GPR89A: variants seen among roughly 807,000 people sequenced by gnomAD.
The protein encoded by GPR89A is golgi pH regulator A, also known as G protein-coupled receptor 89A.
Under a neutral mutation model 52.0 loss-of-function variants are expected in GPR89A, and 16 were observed. That is an observed-to-expected ratio of 0.31 (90% CI 0.21 to 0.47). The LOEUF (loss-of-function observed/expected upper bound fraction) is 0.47, where lower values mean the gene tolerates loss of function less well. Ranked by LOEUF, GPR89A falls within the 20% of genes least tolerant of loss-of-function variation. GPR89A has a pLI of 1.00. For synonymous variants in GPR89A, 55 were observed against 150.9 expected, an observed-to-expected ratio of 0.36 and a Z score of 4.66; for missense variants, 135 against 449.4, an observed-to-expected ratio of 0.30 and a Z score of 6.33.
chr1:145,646,308 A>G (rs782306323), intron 9 of GPR89A, 36 bp downstream of exon 9: 16 of 1,532,214 alleles, frequency 1.0e-5, no homozygotes, highest in Non-Finnish European at 1.4e-5. Flanking sequence ...GGTTTTTACC[A>G]ATATTATTAA....
At position 145,663,363 on chromosome 1, in the gene GPR89A, A is replaced by G. The variant is rs1652339207; in HGVS notation, c.944A>G (p.Lys315Arg). 6.2e-7 allele frequency: 1 copy of G among 1,610,730 alleles called. No individual in the cohort carries two copies. Among genetic ancestry groups the G allele is most frequent in the African/African-American group, 1.3e-5 (1 of 74,692 alleles). ...AATATTGTTTTTGATCGAGTTGGGA[A>G]AACGGATCCTGTCACAAGAGGCATT... ...TINIVFDRVG[K>R]TDPVTRGIEI... Residue 315 changes from lysine (K) to arginine (R), a missense_variant, in exon 11 of 14, where the codon AAA becomes AGA. Lys to Arg is a conservative substitution (Grantham distance 26, BLOSUM62 2). Coordinates refer to ENST00000313835, the MANE Select transcript of GPR89A (RefSeq NM_001097612.2).
intron 5 of GPR89A, among the ~76,000 whole-genome samples, chr1:145,629,235 G>A (rs587765244): frequency 6.6e-6 from 1 of 152,294 alleles, no homozygotes; most frequent in South Asian, 2.1e-4. Flanking sequence ...GTCAGCTTTG[G>A]ATGCTACTTT....
At chr1:145,662,133 G>A (rs1397206231) in intron 10 of GPR89A, among the ~76,000 whole-genome samples, 11 of 152,206 alleles carry the variant, frequency 7.2e-5, no homozygotes, top group Admixed American at 5.2e-4. Context: ...TGTCAATTAC[G>A]TCAAATTGAT....
At chr1:145,621,166 C>G (rs1194320012) in intron 3 of GPR89A, among the ~76,000 whole-genome samples, 2 of 150,948 alleles carry the variant, frequency 1.3e-5, no homozygotes, top group Non-Finnish European at 3.0e-5. Context: ...TAAGAAACAG[C>G]CCTCTGAAAC....
At chr1:145,617,200 C>T (rs1292022208) in intron 2 of GPR89A, among the ~76,000 whole-genome samples, 1 of 152,270 alleles carries the variant, frequency 6.6e-6, no homozygotes, top group Non-Finnish European at 1.5e-5. Context: ...TGCATTCCTT[C>T]CCCAGGGTTA....
At chr1:145,639,377 A>G (rs1454479831) in intron 7 of GPR89A, among the ~76,000 whole-genome samples, 1 of 152,160 alleles carries the variant, frequency 6.6e-6, no homozygotes, top group Non-Finnish European at 1.5e-5. Context: ...ATCTTTAAAC[A>G]TATTATATAG....
intron 10 of GPR89A, among the ~76,000 whole-genome samples, chr1:145,660,348 C>G (rs587689154): frequency 1.3e-5 from 2 of 152,122 alleles, no homozygotes; most frequent in South Asian, 4.2e-4. Flanking sequence ...CCATAAAAAC[C>G]CTAGAAGAAA....
At chr1:145,666,547 C>T (rs1245532608) in intron 12 of GPR89A, among the ~76,000 whole-genome samples, 1 of 151,570 alleles carries the variant, frequency 6.6e-6, no homozygotes, top group African/African-American at 2.4e-5. Context: ...CTACTGAATT[C>T]AACTATTTTT....
chr1:145,668,729 A>G (rs1299647501), intron 12 of GPR89A, among the ~76,000 whole-genome samples: 1 of 152,030 alleles, frequency 6.6e-6, no homozygotes, highest in Non-Finnish European at 1.5e-5. Context: ...AGCTCTTACG[A>G]TTTCGAGATA....
intron 7 of GPR89A, among the ~76,000 whole-genome samples, chr1:145,632,801 T>C (rs1309091783): frequency 6.6e-6 from 1 of 152,104 alleles, no homozygotes; most frequent in Non-Finnish European, 1.5e-5. Context: ...AATTCCATTT[T>C]CAGTTTTTTT....
chr1:145,611,161 TGTG>T (rs1648245148), intron 1 of GPR89A, among the ~76,000 whole-genome samples: 1 of 127,976 alleles, frequency 7.8e-6, no homozygotes, highest in Non-Finnish European at 1.6e-5. Context: ...TCCAGCTACT[TGTG>T]TGTGTGTGTG....
intron 12 of GPR89A, among the ~76,000 whole-genome samples, chr1:145,667,168 T>G (rs1281481786): frequency 6.6e-6 from 1 of 152,196 alleles, no homozygotes; most frequent in African/African-American, 2.4e-5. Context: ...CACACTGCCT[T>G]CCACAATGGT....
At chr1:145,646,409 G>A in intron 9 of GPR89A, 137 bp downstream of exon 9, 3 of 649,110 alleles carry the variant, frequency 4.6e-6, no homozygotes, top group South Asian at 2.1e-5. Flanking sequence ...AAGCATTAGG[G>A]ATAAGGGATC....
intron 5 of GPR89A, among the ~76,000 whole-genome samples, chr1:145,627,500 G>A (rs1402975552): frequency 3.3e-5 from 5 of 151,760 alleles, no homozygotes; most frequent in African/African-American, 7.3e-5. Flanking sequence ...AGAGGTATAC[G>A]GCAAGTAGAA....
At chr1:145,616,515 G>A (rs1444887850) in intron 2 of GPR89A, among the ~76,000 whole-genome samples, 1 of 152,040 alleles carries the variant, frequency 6.6e-6, no homozygotes, top group Non-Finnish European at 1.5e-5. Flanking sequence ...CAAGGATTAT[G>A]TCTTAGTCAT....
chr1:145,652,772 T>C (rs1553693736), intron 10 of GPR89A, among the ~76,000 whole-genome samples: 3 of 140,872 alleles, frequency 2.1e-5, no homozygotes, highest in African/African-American at 8.6e-5. Flanking sequence ...TCTAGTTGAT[T>C]TGCATAGAGA....
At chr1:145,652,048 TGA>T (rs1312638541) in intron 10 of GPR89A, among the ~76,000 whole-genome samples, 2 of 135,954 alleles carry the variant, frequency 1.5e-5, no homozygotes, top group Non-Finnish European at 3.1e-5. Context: ...ATAGGAGTGG[TGA>T]GAGAGGGAGT....
Position 145,608,132 on chromosome 1 carries a change from C to T in GPR89A, c.-2C>T, listed in dbSNP as rs782632164. The stretch of plus-strand genomic sequence containing the variant: ...AGGCAGGAGCCTTCCTTACACTTCG[C>T]CATGAGTTTCCTCATCGACTCCAGC... On this transcript the variant is annotated 5_prime_UTR_variant, in exon 1 of 14. Coordinates refer to ENST00000313835, the MANE Select transcript of GPR89A (RefSeq NM_001097612.2). 14 of 1,613,528 alleles carry T rather than the reference C, an allele frequency of 8.7e-6. No homozygotes were observed. Among genetic ancestry groups the T allele is most frequent in the Admixed American group, 8.3e-5 (5 of 60,004 alleles).
At chr1:145,611,029 A>G (rs1648233127) in intron 1 of GPR89A, among the ~76,000 whole-genome samples, 1 of 152,136 alleles carries the variant, frequency 6.6e-6, no homozygotes, top group African/African-American at 2.4e-5. Context: ...ATTTTTAATA[A>G]GAAGCTATAC....
Sources: gnomAD v4.1 joint callset for allele counts (sites outside exome capture counted in the v4.1 genomes callset) on GRCh38, gnomAD v4.1.1 for gene constraint, MANE v1.5 for transcripts, NCBI Gene and HGNC (gene_info 2026-07-23, HGNC 2026-07-21) for gene names.